The following SIPA1L2 variants were observed in gnomAD, a reference collection of about 807,000 sequenced individuals.
SIPA1L2 encodes signal-induced proliferation-associated 1-like protein 2.
Under a neutral mutation model 163.9 loss-of-function variants are expected in SIPA1L2, and 56 were observed. The observed-to-expected ratio is 0.34, with a 90% CI of 0.28 to 0.43. The LOEUF is 0.43. Ranked by LOEUF, SIPA1L2 falls within the 20% of genes least tolerant of loss-of-function variation. The probability of loss-of-function intolerance (pLI) is 1.00; values close to 1 mark genes in which losing one functional copy is unlikely to be tolerated. For synonymous variants in SIPA1L2, 877 were observed against 865.7 expected (o/e 1.01, Z -0.23); for missense variants, 1,974 against 2,193.5 (o/e 0.90, Z 2.00).
chr1:232,514,682 A>T lies in SIPA1L2; in HGVS notation c.658T>A (p.Tyr220Asn). ...AMLRGYRVEN[Y>N]DHKAMVPFGF... Reference sequence around the variant, plus strand: ...AAAGGGACCATTGCTTTGTGGTCATAATTTTCTACTCGGTACCCTCTGAGC... The same window carrying T: ...AAAGGGACCATTGCTTTGTGGTCATTATTTTCTACTCGGTACCCTCTGAGC... Residue 220 changes from tyrosine (Y) to asparagine (N), a missense_variant, in exon 3 of 23, where the codon TAT becomes AAT. Physicochemically the swap from Tyr to Asn is moderately radical, Grantham distance 143. This residue lies in a region of SIPA1L2 where 607 missense variants were observed against 624.0 expected (regional missense o/e 0.97). Transcript: ENST00000674635. 1 of 1,614,216 alleles carries T rather than the reference A, an allele frequency of 6.2e-7. No homozygotes were observed. The highest frequency in any genetic ancestry group is 8.5e-7 in the Non-Finnish European group (1 of 1,180,042).
chr1:232,510,845 G>A (rs1320215302), intron 3 of SIPA1L2, among the ~76,000 whole-genome samples: 2 of 152,146 alleles, frequency 1.3e-5, no homozygotes, highest in East Asian at 1.9e-4. Context: ...TGAATGAGAC[G>A]CTGGCACTAA....
chr1:232,439,410 C>A lies in SIPA1L2; in HGVS notation c.3729G>T (p.Gly1243=). ...ATTCGGGGTCCATCAGGTCGCCAGA[C>A]CCAAAGTGCTTGTCGTCACTGTTGC... ...TSSNSDDKHF[G]SGDLMDPELL... Residue 1243 remains glycine (G), a synonymous_variant, in exon 15 of 23, where the codon GGG becomes GGT. Transcript: ENST00000674635. 6.2e-7 allele frequency: 1 copy of A among 1,614,210 alleles called. No individual in the cohort carries two copies. Among genetic ancestry groups the A allele is most frequent in the East Asian group, 2.2e-5 (1 of 44,874 alleles).
At chr1:232,449,257 G>A (rs991499121) in intron 10 of SIPA1L2, among the ~76,000 whole-genome samples, 9 of 152,098 alleles carry the variant, frequency 5.9e-5, no homozygotes, top group East Asian at 1.9e-4. Context: ...GGTGGCTCAC[G>A]CCTGTAATCC....
chr1:232,580,569 C>G (rs2102802509), intron 1 of SIPA1L2, among the ~76,000 whole-genome samples: 1 of 152,270 alleles, frequency 6.6e-6, no homozygotes, highest in South Asian at 2.1e-4. Flanking sequence ...GATGACAGGA[C>G]AGGTTATGGG....
intron 10 of SIPA1L2, among the ~76,000 whole-genome samples, chr1:232,452,060 T>C (rs1386010908): frequency 9.5e-6 from 1 of 104,978 alleles, no homozygotes; most frequent in East Asian, 4.4e-4. Flanking sequence ...GTAATTCCAT[T>C]AGATGGCATC....
chr1:232,512,476 C>T (rs1317639855), intron 3 of SIPA1L2, among the ~76,000 whole-genome samples: 4 of 152,082 alleles, frequency 2.6e-5, no homozygotes, highest in African/African-American at 9.7e-5. Flanking sequence ...AACCCCAATG[C>T]CCATCAATGA....
At chr1:232,523,842 C>A (rs1667563441) in intron 2 of SIPA1L2, among the ~76,000 whole-genome samples, 1 of 152,124 alleles carries the variant, frequency 6.6e-6, no homozygotes, top group Non-Finnish European at 1.5e-5. Flanking sequence ...TCACTGTATT[C>A]TTTATTAAAA....
In SIPA1L2 at chr1:232,425,826, T is replaced by G. The variant is rs201914876; in HGVS notation, c.4411-18A>C. ...AACGAAAACTAGGGTTTAAACAAGGTGCGAGGAGGGAACAGACATTAAAAA... is the reference window on the plus strand; with the variant it reads ...AACGAAAACTAGGGTTTAAACAAGGGGCGAGGAGGGAACAGACATTAAAAA... On this transcript the variant is annotated intron_variant, in intron 17 of 22. Coordinates refer to ENST00000674635, the MANE Select transcript of SIPA1L2 (RefSeq NM_020808.5). 1.2e-6 allele frequency: 2 copies of G among 1,606,916 alleles called. No homozygotes were observed. Among genetic ancestry groups the G allele is most frequent in the East Asian group, 2.2e-5 (1 of 44,734 alleles).
chr1:232,555,748 G>A (rs1431104144), intron 2 of SIPA1L2, among the ~76,000 whole-genome samples: 2 of 152,144 alleles, frequency 1.3e-5, no homozygotes, highest in South Asian at 2.1e-4. Flanking sequence ...AAGGATGAAA[G>A]GACAGAACAG....
chr1:232,514,319 T>C lies in SIPA1L2; in HGVS notation c.1021A>G (p.Ile341Val). The change falls in exon 3 of 23, where the codon ATC (isoleucine) becomes GTC (valine). Residue 341 changes from isoleucine to valine, a missense_variant. Transcript: ENST00000674635. ...HYDVQSILFNINEAMATRANV... is the reference protein window; with the variant it reads ...HYDVQSILFNVNEAMATRANV... ...GCCCTCGTAGCCATGGCTTCGTTGA[T>C]ATTAAACAAAATGCTCTGGACATCA... The C allele has an allele frequency of 6.2e-7, 1 of 1,613,364 alleles. No individual in the cohort carries two copies. Among genetic ancestry groups the C allele is most frequent in the Non-Finnish European group, 8.5e-7 (1 of 1,180,040 alleles).
chr1:232,436,983 A>G (rs527400767), intron 15 of SIPA1L2, among the ~76,000 whole-genome samples: 1 of 152,350 alleles, frequency 6.6e-6, no homozygotes, highest in East Asian at 1.9e-4. Context: ...CAGCTGGGCC[A>G]CATCCAATTT....
chr1:232,472,771 C>T (rs1664864474), intron 7 of SIPA1L2, among the ~76,000 whole-genome samples: 1 of 152,158 alleles, frequency 6.6e-6, no homozygotes, highest in Non-Finnish European at 1.5e-5. Flanking sequence ...GCGCATATTC[C>T]AAGTAAAGAC....
intron 2 of SIPA1L2, among the ~76,000 whole-genome samples, chr1:232,552,013 T>C (rs933459195): frequency 6.6e-6 from 1 of 152,074 alleles, no homozygotes; most frequent in African/African-American, 2.4e-5. Flanking sequence ...CTAATTTTTG[T>C]ATTTTTAGTA....
intron 2 of SIPA1L2, among the ~76,000 whole-genome samples, chr1:232,536,221 C>T (rs192142562): frequency 1.1e-4 from 16 of 152,318 alleles, no homozygotes; most frequent in African/African-American, 3.4e-4. Context: ...GGGCCTGAGG[C>T]ATCTCTCGCC....
At chr1:232,606,482 A>C (rs1205574272) in intron 1 of SIPA1L2, among the ~76,000 whole-genome samples, 4 of 152,176 alleles carry the variant, frequency 2.6e-5, no homozygotes, top group African/African-American at 9.6e-5. Context: ...GTAAATGCCA[A>C]AATCTCTAAC....
intron 18 of SIPA1L2, among the ~76,000 whole-genome samples, chr1:232,422,842 T>C (rs2102803270): frequency 6.6e-6 from 1 of 152,346 alleles, no homozygotes; most frequent in Middle Eastern, 3.4e-3. Context: ...TGGGCTGCTC[T>C]AGTTTTTGAC....
At position 232,514,952 on chromosome 1, in the gene SIPA1L2, G is replaced by C. The variant is rs985623602; in HGVS notation, c.388C>G (p.Leu130Val). The change falls in exon 3 of 23, where the codon CTC becomes GTC. Residue 130 changes from leucine to valine, a missense_variant. Around this residue, in one of 3 missense-constraint regions of SIPA1L2, gnomAD observed 607 missense variants for 624.0 expected, o/e 0.97. Coordinates refer to ENST00000674635, the MANE Select transcript of SIPA1L2 (RefSeq NM_020808.5). ...TTGGCCTCCACGAAGTCCAGATCGAGCTGTTCATCTTGCTGACCTTCACTC... is the reference window on the plus strand; with the variant it reads ...TTGGCCTCCACGAAGTCCAGATCGACCTGTTCATCTTGCTGACCTTCACTC... Reference protein sequence around the residue: ...DQSEGQQDEQLDLDFVEAKYT... With the variant: ...DQSEGQQDEQVDLDFVEAKYT... 17 of 1,614,036 alleles carry C rather than the reference G, an allele frequency of 1.1e-5. No homozygotes were observed. The Admixed American group carries it at 2.5e-4, about 24-fold the overall frequency.
At chr1:232,406,401 C>G (rs1234679887) in intron 19 of SIPA1L2, among the ~76,000 whole-genome samples, 1 of 152,198 alleles carries the variant, frequency 6.6e-6, no homozygotes, top group African/African-American at 2.4e-5. Flanking sequence ...AACAATCCAT[C>G]CTTTAAAATA....
Position 232,514,653 on chromosome 1 carries a change from C to A in SIPA1L2, c.687G>T (p.Gly229=), listed in dbSNP as rs1317326355. 1.2e-6 allele frequency: 2 copies of A among 1,614,058 alleles called. No homozygotes were observed. The highest frequency in any genetic ancestry group is 2.7e-5 in the African/African-American group (2 of 74,914). The change falls in exon 3 of 23, where the codon GGG becomes GGT. Residue 229 remains glycine (G), a synonymous_variant. Transcript: ENST00000674635. ...NYDHKAMVPF[G]FPEFFRCDPA... is the part of the protein sequence containing the mutation. Reference sequence around the variant, plus strand: ...GGTCACAGCGGAAAAATTCAGGGAACCCAAAAGGGACCATTGCTTTGTGGT... The same window carrying A: ...GGTCACAGCGGAAAAATTCAGGGAAACCAAAAGGGACCATTGCTTTGTGGT...
Sources: allele counts gnomAD v4.1 joint callset (sites outside exome capture counted in the v4.1 genomes callset), GRCh38; gene constraint gnomAD v4.1.1; regional missense constraint gnomAD v4.1.1; transcripts MANE v1.5; gene names NCBI Gene and HGNC (gene_info 2026-07-23, HGNC 2026-07-21).